The following NLGN1 variants were observed in gnomAD, a reference collection of about 807,000 sequenced individuals.
NLGN1 encodes neuroligin-1.
A neutral mutation model predicts 65.5 loss-of-function variants in NLGN1; 12 were observed. The observed-to-expected ratio is 0.18, with a 90% CI of 0.12 to 0.30. The LOEUF (loss-of-function observed/expected upper bound fraction) is 0.30. Ranked by LOEUF, NLGN1 falls within the 10% of genes least tolerant of loss-of-function variation. The probability of loss-of-function intolerance (pLI) is 1.00; values close to 1 mark genes in which losing one functional copy is unlikely to be tolerated. For synonymous variants in NLGN1, 350 were observed against 359.5 expected, an observed-to-expected ratio of 0.97 and a Z score of 0.30; for missense variants, 750 against 1,007.1, an observed-to-expected ratio of 0.74 and a Z score of 3.46.
chr3:173,900,287 A>G (rs576203636), intron 4 of NLGN1, among the ~76,000 whole-genome samples: 2 of 152,168 alleles, frequency 1.3e-5, no homozygotes, highest in East Asian at 1.9e-4. Flanking sequence ...ACAACTTCCA[A>G]TGATTGGAAT....
intron 3 of NLGN1, among the ~76,000 whole-genome samples, chr3:173,667,622 A>G (rs367946260): frequency 1.3e-4 from 19 of 151,898 alleles, no homozygotes; most frequent in African/African-American, 3.9e-4. Context: ...TTTGGTTGCT[A>G]TTTTTTCTGA....
At position 173,878,134 on chromosome 3, in the gene NLGN1, C is replaced by T. The variant is rs377628392; in HGVS notation, c.646+70302C>T. ...TCAGCTCACTGCAACCTCTGCCTCC[C>T]GGGTTCAAGCGATTCTCCTGCCTCA... On this transcript the variant is annotated intron_variant, in intron 4 of 6. Coordinates refer to ENST00000457714, the Ensembl canonical transcript of NLGN1. Among the ~76,000 whole-genome samples, 131 of 152,090 alleles carry T rather than the reference C, an allele frequency of 8.6e-4. 2 individuals carry two copies. The South Asian group carries it at 0.015, about 17-fold the overall frequency.
chr3:174,138,433 CTT>C (rs58713208), intron 4 of NLGN1, among the ~76,000 whole-genome samples: 19 of 132,506 alleles, frequency 1.4e-4, no homozygotes, highest in South Asian at 2.4e-4. Context: ...TTCTACTATT[CTT>C]TTTTTTTTTT....
At chr3:173,923,936 A>G (rs554210607) in intron 4 of NLGN1, among the ~76,000 whole-genome samples, 6 of 152,158 alleles carry the variant, frequency 3.9e-5, no homozygotes, top group Non-Finnish European at 8.8e-5. Context: ...TTTTTAGAAT[A>G]AAACTTCTTC....
At chr3:174,076,720 A>AGTGT (rs1304122173) in intron 4 of NLGN1, among the ~76,000 whole-genome samples, 4 of 114,746 alleles carry the variant, frequency 3.5e-5, no homozygotes, top group African/African-American at 1.6e-4. Flanking sequence ...AGAGAGAGAG[A>AGTGT]GAGAGTGTGT....
intron 4 of NLGN1, among the ~76,000 whole-genome samples, chr3:174,109,042 A>G (rs1262621920): frequency 2.0e-5 from 3 of 152,066 alleles, no homozygotes; most frequent in South Asian, 2.1e-4. Flanking sequence ...ATTTTAAAGA[A>G]CTATTTGAAA....
At chr3:173,691,011 T>C (rs1353414018) in intron 3 of NLGN1, among the ~76,000 whole-genome samples, 1 of 152,134 alleles carries the variant, frequency 6.6e-6, no homozygotes, top group Non-Finnish European at 1.5e-5. Context: ...TAAGTTGATA[T>C]ACCTGACGAA....
intron 2 of NLGN1, among the ~76,000 whole-genome samples, chr3:173,602,421 A>G (rs1226232429): frequency 6.6e-6 from 1 of 152,004 alleles, no homozygotes; most frequent in African/African-American, 2.4e-5. Flanking sequence ...GTAAAATGGG[A>G]TATTTTTGTA....
chr3:173,640,060 A>G (rs957356055), intron 3 of NLGN1, among the ~76,000 whole-genome samples: 1 of 152,136 alleles, frequency 6.6e-6, no homozygotes, highest in African/African-American at 2.4e-5. Context: ...TCACCTATCT[A>G]CATGTTGCTT....
rs9855373 is a variant in NLGN1 at position 173,485,505 on chromosome 3, G to A, written c.-321+50427G>A. On this transcript the variant is annotated intron_variant, in intron 2 of 6. Coordinates refer to ENST00000457714, the Ensembl canonical transcript of NLGN1. ...TTATGCTAGAATTTTGTTGGGAGTC[G>A]TATTGAATTTACATTAATGTAAGAA... 2.6e-3 allele frequency among the ~76,000 whole-genome samples: 400 copies of A among 152,138 alleles called. 2 individuals are homozygous for A. Among genetic ancestry groups the A allele is most frequent in the African/African-American group, 8.8e-3 (367 of 41,504 alleles).
At chr3:173,975,567 G>A (rs1717243171) in intron 4 of NLGN1, among the ~76,000 whole-genome samples, 1 of 151,930 alleles carries the variant, frequency 6.6e-6, no homozygotes, top group African/African-American at 2.4e-5. Context: ...GATGAGTATA[G>A]AATCTCTTTT....
chr3:174,015,850 C>G (rs193245091), intron 4 of NLGN1, among the ~76,000 whole-genome samples: 2 of 151,708 alleles, frequency 1.3e-5, no homozygotes, highest in African/African-American at 4.8e-5. Context: ...GCACAAACCA[C>G]GAAAAATGCT....
At chr3:173,672,716 C>T (rs1762608679) in intron 3 of NLGN1, among the ~76,000 whole-genome samples, 1 of 152,178 alleles carries the variant, frequency 6.6e-6, no homozygotes, top group South Asian at 2.1e-4. Context: ...CTTAGGTTAC[C>T]TCATTCAAGC....
chr3:174,124,601 A>G (rs538918364), intron 4 of NLGN1, among the ~76,000 whole-genome samples: 3 of 146,318 alleles, frequency 2.1e-5, no homozygotes, highest in South Asian at 2.1e-4. Flanking sequence ...ATACGTATAC[A>G]TATATACGTA....
intron 4 of NLGN1, among the ~76,000 whole-genome samples, chr3:174,181,866 C>T (rs1212410261): frequency 1.3e-5 from 2 of 148,766 alleles, no homozygotes; most frequent in Non-Finnish European, 3.0e-5. Context: ...GTCCCAGCTA[C>T]TTGGGATGCT....
chr3:173,417,796 G>T (rs778140080), intron 1 of NLGN1, among the ~76,000 whole-genome samples: 1 of 151,888 alleles, frequency 6.6e-6, no homozygotes, highest in Non-Finnish European at 1.5e-5. Flanking sequence ...TGCACAATAT[G>T]AAATATTAAA....
At chr3:173,917,438 A>C (rs1470984499) in intron 4 of NLGN1, among the ~76,000 whole-genome samples, 1 of 152,238 alleles carries the variant, frequency 6.6e-6, no homozygotes, top group East Asian at 1.9e-4. Context: ...CACCAGGAAC[A>C]TAATCAATAT....
chr3:173,797,861 GACA>G (rs981333523), intron 3 of NLGN1, among the ~76,000 whole-genome samples: 39 of 152,062 alleles, frequency 2.6e-4, no homozygotes, highest in African/African-American at 7.5e-4. Context: ...ATGATGTTTT[GACA>G]ACAATTCTCT....
chr3:174,122,117 G>A (rs941938137), intron 4 of NLGN1, among the ~76,000 whole-genome samples: 24 of 152,056 alleles, frequency 1.6e-4, no homozygotes, highest in African/African-American at 5.8e-4. Flanking sequence ...AACATACCCT[G>A]TAGAGTTTTT....
Sources: allele counts gnomAD v4.1 joint callset (sites outside exome capture counted in the v4.1 genomes callset), GRCh38; gene constraint gnomAD v4.1.1; transcripts MANE v1.5; gene names NCBI Gene and HGNC (gene_info 2026-07-23, HGNC 2026-07-21).